Variants in OTUD7A observed in about 807,000 individuals in gnomAD.
OTUD7A encodes the protein OTU deubiquitinase 7A.
In OTUD7A, 12 loss-of-function variants were observed where a neutral mutation model predicts 65.7. That is an observed-to-expected ratio of 0.18 (90% CI 0.12 to 0.30). OTUD7A has a LOEUF of 0.30. Among genes scored for constraint, OTUD7A ranks in the 10% least tolerant of loss-of-function variants. The pLI, the probability that OTUD7A is intolerant of heterozygous loss-of-function variation, is 1.00. For missense variants in OTUD7A, 1,148 were observed against 1,304.8 expected (o/e 0.88, Z 1.85); for synonymous variants, 641 against 586.3 (o/e 1.09, Z -1.35).
intron 8 of OTUD7A, among the ~76,000 whole-genome samples, chr15:31,524,486 G>T (rs2041983191): frequency 6.6e-6 from 1 of 152,082 alleles, no homozygotes; most frequent in African/African-American, 2.4e-5. Flanking sequence ...TTGAAAGGAG[G>T]GGAGAGAGTG....
At chr15:31,536,273 G>A (rs548735336) in intron 5 of OTUD7A, among the ~76,000 whole-genome samples, 1 of 152,318 alleles carries the variant, frequency 6.6e-6, no homozygotes, top group African/African-American at 2.4e-5. Context: ...TGTTAGGCAG[G>A]TGACACAAAT....
intron 1 of OTUD7A, among the ~76,000 whole-genome samples, chr15:31,806,838 G>C (rs186026506): frequency 6.6e-6 from 1 of 152,210 alleles, no homozygotes; most frequent in Non-Finnish European, 1.5e-5. Context: ...TCTGCCGTCC[G>C]TGCTCTGCCT....
intron 3 of OTUD7A, among the ~76,000 whole-genome samples, chr15:31,627,050 C>T (rs944480697): frequency 4.6e-5 from 7 of 151,944 alleles, no homozygotes; most frequent in African/African-American, 1.7e-4. Flanking sequence ...ATTGATCAGG[C>T]TGGTAGTTGC....
At chr15:31,821,460 T>C (rs1475714569) in intron 1 of OTUD7A, among the ~76,000 whole-genome samples, 2 of 152,036 alleles carry the variant, frequency 1.3e-5, no homozygotes, top group East Asian at 1.9e-4. Context: ...TTCATTTCTT[T>C]ATGTTGCTGA....
chr15:31,672,732 T>C (rs887131465), intron 1 of OTUD7A, among the ~76,000 whole-genome samples: 2 of 152,252 alleles, frequency 1.3e-5, no homozygotes, highest in African/African-American at 4.8e-5. Flanking sequence ...CTTTGAAATA[T>C]ATTATGTGCA....
chr15:31,556,339 G>C (rs1888494389), intron 5 of OTUD7A: 3 of 152,216 alleles, frequency 2.0e-5, no homozygotes, highest in Admixed American at 6.5e-5. Context: ...GTGGGAGCCT[G>C]AGCTTCCTGC....
At chr15:31,633,166 G>A (rs1273784366) in intron 3 of OTUD7A, among the ~76,000 whole-genome samples, 2 of 152,186 alleles carry the variant, frequency 1.3e-5, no homozygotes, top group Admixed American at 6.5e-5. Flanking sequence ...AGTGAGATGA[G>A]CCTGGTACCT....
At chr15:31,669,438 G>A (rs1368215607) in intron 1 of OTUD7A, among the ~76,000 whole-genome samples, 11 of 152,154 alleles carry the variant, frequency 7.2e-5, no homozygotes, top group Non-Finnish European at 1.3e-4. Context: ...AGGGAAAGCC[G>A]GCAGTCGCAG....
At chr15:31,523,493 G>C (rs1278266400) in intron 8 of OTUD7A, among the ~76,000 whole-genome samples, 2 of 152,280 alleles carry the variant, frequency 1.3e-5, no homozygotes, top group East Asian at 3.9e-4. Flanking sequence ...TCCACCCTCA[G>C]CCCTGGCCTC....
chr15:31,587,926 G>C (rs1230591504), intron 3 of OTUD7A, among the ~76,000 whole-genome samples: 2 of 151,822 alleles, frequency 1.3e-5, no homozygotes, highest in Non-Finnish European at 2.9e-5. Flanking sequence ...ACTTCATTGT[G>C]GTCTCTCCTG....
At chr15:31,827,853 G>C (rs201832481) in intron 1 of OTUD7A, among the ~76,000 whole-genome samples, 2 of 18,598 alleles carry the variant, frequency 1.1e-4, no homozygotes, top group African/African-American at 1.3e-4. Flanking sequence ...CTTGAACTTG[G>C]AGGGGCGGGG....
chr15:31,682,680 T>C (rs1202378942), intron 1 of OTUD7A, among the ~76,000 whole-genome samples: 10 of 152,222 alleles, frequency 6.6e-5, no homozygotes, highest in Non-Finnish European at 1.2e-4. Context: ...TCTTACACCA[T>C]ATATAAAAAT....
intron 1 of OTUD7A, among the ~76,000 whole-genome samples, chr15:31,820,884 G>A (rs537468321): frequency 3.8e-4 from 57 of 151,868 alleles, no homozygotes; most frequent in African/African-American, 1.1e-3. Context: ...TGCAACCATC[G>A]GCACAATCTA....
intron 8 of OTUD7A, among the ~76,000 whole-genome samples, chr15:31,508,372 G>A (rs1327025325): frequency 2.0e-5 from 3 of 147,840 alleles, no homozygotes; most frequent in South Asian, 2.1e-4. Context: ...GTTTTGAGAC[G>A]GAGTCTTGCT....
At chr15:31,527,372 T>C in intron 6 of OTUD7A, 64 bp from the exon 7 acceptor site, 1 of 1,571,284 alleles carries the variant, frequency 6.4e-7, no homozygotes, top group Admixed American at 1.8e-5. Context: ...AAGCCAGAGG[T>C]GATGCAAACT....
intron 1 of OTUD7A, among the ~76,000 whole-genome samples, chr15:31,865,120 A>G (rs1897845172): frequency 6.6e-6 from 1 of 152,234 alleles, no homozygotes; most frequent in Non-Finnish European, 1.5e-5. Context: ...TTCAGTGATG[A>G]TTCTTTCAAG....
chr15:31,709,263 G>T (rs930102551), intron 1 of OTUD7A, among the ~76,000 whole-genome samples: 1 of 152,174 alleles, frequency 6.6e-6, no homozygotes, highest in Non-Finnish European at 1.5e-5. Context: ...AGACTCAGAA[G>T]CAGAGAGCTG....
At chr15:31,666,747 G>A (rs1194040979) in intron 1 of OTUD7A, among the ~76,000 whole-genome samples, 1 of 152,016 alleles carries the variant, frequency 6.6e-6, no homozygotes, top group Non-Finnish European at 1.5e-5. Context: ...TGCCCTTTCA[G>A]TCTTTTTGAT....
chr15:31,671,846 G>A (rs180962287), intron 1 of OTUD7A, among the ~76,000 whole-genome samples: 335 of 152,232 alleles, frequency 2.2e-3, no homozygotes, highest in Non-Finnish European at 2.4e-3. Context: ...GGGGTTTGGT[G>A]TACAGATTAT....
Sources: allele counts gnomAD v4.1 joint callset (sites outside exome capture counted in the v4.1 genomes callset), GRCh38; gene constraint gnomAD v4.1.1; transcripts MANE v1.5; gene names NCBI Gene and HGNC (gene_info 2026-07-23, HGNC 2026-07-21).